Variants in KNL1 observed in about 807,000 individuals in gnomAD.
KNL1 encodes kinetochore scaffold 1.
KNL1 carries 66 observed loss-of-function variants against 201.3 expected under a neutral mutation model. The ratio of observed to expected loss-of-function variants is 0.33; its 90% CI spans 0.27 to 0.40. KNL1 has a LOEUF of 0.40. KNL1 is among the 10% of genes least tolerant of loss of function. The pLI is 1.00. For synonymous variants in KNL1, 895 were observed against 899.2 expected (o/e 1.00, Z 0.08); for missense variants, 2,815 against 2,690.5 (o/e 1.05, Z -1.02).
chr15:40,609,816 A>G (rs1239044974), intron 5 of KNL1, among the ~76,000 whole-genome samples: 1 of 152,234 alleles, frequency 6.6e-6, no homozygotes, highest in Non-Finnish European at 1.5e-5. Context: ...TAACCTCTGC[A>G]GTAACAAATG....
chr15:40,608,465 G>A (rs1286926173), intron 4 of KNL1, among the ~76,000 whole-genome samples: 1 of 150,084 alleles, frequency 6.7e-6, no homozygotes, highest in African/African-American at 2.5e-5. Context: ...AGACTTGTCT[G>A]GGTGCAGGGG....
chr15:40,604,885 G>T (rs1479282382), intron 2 of KNL1, among the ~76,000 whole-genome samples: 3 of 152,138 alleles, frequency 2.0e-5, no homozygotes, highest in Admixed American at 6.5e-5. Context: ...GGTAAATTAT[G>T]TTGTACTGAT....
At chr15:40,596,332 A>T (rs965465486) in intron 1 of KNL1, among the ~76,000 whole-genome samples, 10 of 152,092 alleles carry the variant, frequency 6.6e-5, no homozygotes, top group African/African-American at 1.9e-4. Context: ...GCTGGAGTGC[A>T]GTGGTGCTAT....
chr15:40,639,857 T>C (rs529478562), intron 13 of KNL1, among the ~76,000 whole-genome samples: 1 of 151,398 alleles, frequency 6.6e-6, no homozygotes, highest in Admixed American at 6.6e-5. Flanking sequence ...GGAGAATCAC[T>C]TGAGGCCAGG....
At chr15:40,607,647 T>C (rs967146836) in intron 4 of KNL1, among the ~76,000 whole-genome samples, 2 of 152,202 alleles carry the variant, frequency 1.3e-5, no homozygotes, top group Non-Finnish European at 2.9e-5. Context: ...AAATGTTTGC[T>C]CTTGTTAAAG....
chr15:40,640,542 G>A (rs956806095), intron 13 of KNL1, among the ~76,000 whole-genome samples: 1 of 151,942 alleles, frequency 6.6e-6, no homozygotes, highest in Non-Finnish European at 1.5e-5. Context: ...GATAGAGTAA[G>A]GATTATGGCT....
intron 14 of KNL1, 49 bp from the exon 15 acceptor site, chr15:40,644,948 T>A (rs1258774052): frequency 8.3e-7 from 1 of 1,204,348 alleles, no homozygotes; most frequent in Non-Finnish European, 1.2e-6. Flanking sequence ...AGTAACAGTC[T>A]GATCTCTTTC....
At chr15:40,636,155 A>G (rs1009976865) in intron 13 of KNL1, among the ~76,000 whole-genome samples, 1 of 152,194 alleles carries the variant, frequency 6.6e-6, no homozygotes, top group Non-Finnish European at 1.5e-5. Flanking sequence ...AAATTATTGC[A>G]AGTGCTCCTG....
At chr15:40,617,195 G>A (rs1480625420) in intron 8 of KNL1, among the ~76,000 whole-genome samples, 1 of 152,134 alleles carries the variant, frequency 6.6e-6, no homozygotes, top group East Asian at 1.9e-4. Flanking sequence ...ATGATCCACC[G>A]CCTTGGCCTC....
rs768614032 is a variant in KNL1 at position 40,657,379 on chromosome 15, G to C, written c.6619G>C (p.Val2207Leu). ...GATGCTTGAAGAATTCTCACTGGTAGTGCACCATTGCAGACTCCTTGGAGA... is the reference window on the plus strand; with the variant it reads ...GATGCTTGAAGAATTCTCACTGGTACTGCACCATTGCAGACTCCTTGGAGA... ...PKMLEEFSLV[V>L]HHCRLLGEEI... Residue 2207 changes from valine (V) to leucine (L), a missense_variant, in exon 24 of 26, where the codon GTG becomes CTG. Coordinates refer to ENST00000399668, the MANE Select transcript of KNL1 (RefSeq NM_144508.5). The C allele has an allele frequency of 6.2e-7, 1 of 1,606,644 alleles. No homozygotes were observed. Among genetic ancestry groups the C allele is most frequent in the Non-Finnish European group, 8.5e-7 (1 of 1,173,242 alleles).
At chr15:40,608,453 A>G (rs1191358576) in intron 4 of KNL1, among the ~76,000 whole-genome samples, 2 of 151,234 alleles carry the variant, frequency 1.3e-5, no homozygotes, top group Non-Finnish European at 3.0e-5. Context: ...AAAAAAAAAA[A>G]AAGACTTGTC....
At chr15:40,632,565 G>A (rs1892941826) in intron 13 of KNL1, among the ~76,000 whole-genome samples, 1 of 152,092 alleles carries the variant, frequency 6.6e-6, no homozygotes, top group South Asian at 2.1e-4. Context: ...TTGTACCACT[G>A]CACTCCAGCC....
At chr15:40,628,032 AT>A in intron 10 of KNL1, 37 bp from the exon 11 acceptor site, 1 of 1,465,884 alleles carries the variant, frequency 6.8e-7, no homozygotes, top group Non-Finnish European at 9.3e-7. Flanking sequence ...TACAGTGTAT[AT>A]TTTATTCTGA....
At chr15:40,630,320 T>C (rs1165999163) in intron 13 of KNL1, among the ~76,000 whole-genome samples, 1 of 149,142 alleles carries the variant, frequency 6.7e-6, no homozygotes, top group Admixed American at 6.7e-5. Context: ...AAGAAAACAT[T>C]AATAAATTTT....
intron 13 of KNL1, among the ~76,000 whole-genome samples, chr15:40,632,905 A>G (rs1448706408): frequency 1.3e-5 from 2 of 152,174 alleles, no homozygotes; most frequent in African/African-American, 4.8e-5. Context: ...ATTTAAATAA[A>G]TAAATAAAAT....
intron 22 of KNL1, 108 bp downstream of exon 22, chr15:40,655,085 G>T (rs1333087528): frequency 5.1e-6 from 4 of 781,366 alleles, no homozygotes; most frequent in Non-Finnish European, 8.4e-6. Flanking sequence ...ATCACCAGGG[G>T]TCAGGAGTTT....
At chr15:40,660,232 C>A (rs1173152910) in intron 25 of KNL1, among the ~76,000 whole-genome samples, 2 of 152,054 alleles carry the variant, frequency 1.3e-5, no homozygotes, top group Non-Finnish European at 2.9e-5. Context: ...ATTGCTATCT[C>A]CAGTGGATGC....
At chr15:40,658,749 G>A (rs1413928758) in intron 24 of KNL1, among the ~76,000 whole-genome samples, 1 of 149,922 alleles carries the variant, frequency 6.7e-6, no homozygotes, top group African/African-American at 2.5e-5. Context: ...GGCCAACAAG[G>A]TGAAACCCCA....
intron 3 of KNL1, 147 bp from the exon 4 acceptor site, chr15:40,606,246 A>G: frequency 3.6e-6 from 2 of 550,400 alleles, no homozygotes; most frequent in South Asian, 5.3e-5. Context: ...AATCTGCCAC[A>G]CGGTATAGCA....
Sources: allele counts gnomAD v4.1 joint callset (sites outside exome capture counted in the v4.1 genomes callset), GRCh38; gene constraint gnomAD v4.1.1; transcripts MANE v1.5; gene names NCBI Gene and HGNC (gene_info 2026-07-23, HGNC 2026-07-21).